The following RAD51B variants were observed in gnomAD, a reference collection of about 807,000 sequenced individuals.
RAD51B encodes the protein DNA repair protein RAD51 homolog 2.
RAD51B carries 38 observed loss-of-function variants against 42.2 expected under a neutral mutation model. The ratio of observed to expected loss-of-function variants is 0.90; its 90% confidence interval spans 0.70 to 1.18. The LOEUF is 1.18. Ranked by LOEUF, RAD51B falls within the 50% of genes most tolerant of loss-of-function variation. The pLI is 0.00. For synonymous variants in RAD51B, 154 were observed against 145.2 expected, an observed-to-expected ratio of 1.06 and a Z score of -0.43; for missense variants, 373 against 400.7, an observed-to-expected ratio of 0.93 and a Z score of 0.59.
At chr14:68,080,912 T>A (rs1455150642) in intron 7 of RAD51B, among the ~76,000 whole-genome samples, 1 of 152,126 alleles carries the variant, frequency 6.6e-6, no homozygotes, top group Non-Finnish European at 1.5e-5. Context: ...AACAAACCAC[T>A]CATTGATAGA....
chr14:67,950,238 A>T (rs1022477454), intron 7 of RAD51B, among the ~76,000 whole-genome samples: 11 of 152,122 alleles, frequency 7.2e-5, no homozygotes, highest in Admixed American at 5.9e-4. Context: ...AGGCTGTTTT[A>T]TCTGTATGGA....
At chr14:67,843,390 C>A (rs1566919308) in intron 4 of RAD51B, 1 of 150,970 alleles carries the variant, frequency 6.6e-6, no homozygotes, top group Non-Finnish European at 1.5e-5. Context: ...TTGAGGAGTC[C>A]CTCTTCCTCA....
chr14:68,353,941 G>A (rs2139882577), intron 8 of RAD51B, among the ~76,000 whole-genome samples: 1 of 152,306 alleles, frequency 6.6e-6, no homozygotes, highest in East Asian at 1.9e-4. Context: ...TCTAGGGGTT[G>A]TGCCTAAGTC....
At chr14:67,962,414 AAGAG>A (rs982227470) in intron 7 of RAD51B, among the ~76,000 whole-genome samples, 4 of 152,306 alleles carry the variant, frequency 2.6e-5, no homozygotes, top group South Asian at 4.1e-4. Context: ...GTTGCCAAAC[AAGAG>A]AAAGGTTTCT....
At position 67,901,449 on chromosome 14, in the gene RAD51B, T is replaced by C. The variant is rs114318939; in HGVS notation, c.756+14245T>C. Among the ~76,000 whole-genome samples, 1,377 of 152,212 alleles carry C rather than the reference T, an allele frequency of 9.0e-3. 22 individuals carry two copies. Among genetic ancestry groups the C allele is most frequent in the African/African-American group, 0.031 (1,297 of 41,520 alleles). ...CAGTGCAGGTGCAGTCCTGTGGGTA[T>C]TTTTCCACTCCGAAGACCCTCCCTC... is the stretch of plus-strand genomic sequence containing the variant. On this transcript the variant is annotated intron_variant, in intron 7 of 10. Transcript: ENST00000471583.
chr14:68,001,169 A>C (rs2075475477), intron 7 of RAD51B, among the ~76,000 whole-genome samples: 1 of 152,112 alleles, frequency 6.6e-6, no homozygotes, highest in South Asian at 2.1e-4. Context: ...TTATATTTAA[A>C]GTCCAGCAAA....
At chr14:68,569,849 C>T (rs142587026) in intron 10 of RAD51B, among the ~76,000 whole-genome samples, 2 of 152,312 alleles carry the variant, frequency 1.3e-5, no homozygotes, top group East Asian at 1.9e-4. Context: ...GCTGAGGGAA[C>T]AGGCCAAGCT....
chr14:68,064,363 A>T (rs1269311622), intron 7 of RAD51B, among the ~76,000 whole-genome samples: 1 of 151,944 alleles, frequency 6.6e-6, no homozygotes. Context: ...TGCTTTTCCT[A>T]TGCTGTTTTA....
chr14:67,868,132 G>A (rs1186146188), intron 5 of RAD51B, among the ~76,000 whole-genome samples: 1 of 152,198 alleles, frequency 6.6e-6, no homozygotes, highest in Admixed American at 6.5e-5. Context: ...CAGCATGAGC[G>A]ACGCAGAAGA....
At chr14:68,326,580 G>A (rs1378306508) in intron 8 of RAD51B, among the ~76,000 whole-genome samples, 1 of 152,132 alleles carries the variant, frequency 6.6e-6, no homozygotes, top group African/African-American at 2.4e-5. Flanking sequence ...CATGAACAGA[G>A]AACTAAAGGC....
intron 8 of RAD51B, among the ~76,000 whole-genome samples, chr14:68,379,641 AG>A (rs1371503806): frequency 6.6e-6 from 1 of 152,220 alleles, no homozygotes; most frequent in African/African-American, 2.4e-5. Context: ...GGTAGAATGG[AG>A]GGTAGAAAAG....
In RAD51B at chr14:68,348,599, A is replaced by G. The variant is rs78550314; in HGVS notation, c.853+56619A>G. On this transcript the variant is annotated intron_variant, in intron 8 of 10. Coordinates refer to ENST00000471583, the MANE Select transcript of RAD51B (RefSeq NM_133510.4). ...TTAAAAACAAAAGAAGCAATTGAAGATTAACATTGACTTTGTCTCGCCTGG... is the reference window on the plus strand; with the variant it reads ...TTAAAAACAAAAGAAGCAATTGAAGGTTAACATTGACTTTGTCTCGCCTGG... 9.8e-5 allele frequency among the ~76,000 whole-genome samples: 15 copies of G among 152,360 alleles called. No individual in the cohort carries two copies. In the East Asian group the frequency reaches 2.9e-3, roughly 29 times the overall value.
chr14:68,290,351 A>G (rs1388307577), intron 7 of RAD51B, among the ~76,000 whole-genome samples: 1 of 152,234 alleles, frequency 6.6e-6, no homozygotes, highest in Non-Finnish European at 1.5e-5. Context: ...AACCTTGGAA[A>G]ATGATTGTGG....
At chr14:68,315,730 G>A (rs1223048621) in intron 8 of RAD51B, among the ~76,000 whole-genome samples, 3 of 152,120 alleles carry the variant, frequency 2.0e-5, no homozygotes, top group African/African-American at 4.8e-5. Context: ...CACCATGTTA[G>A]CCAGGATAGT....
At chr14:68,133,364 T>C (rs1433050964) in intron 7 of RAD51B, among the ~76,000 whole-genome samples, 1 of 152,242 alleles carries the variant, frequency 6.6e-6, no homozygotes, top group Non-Finnish European at 1.5e-5. Flanking sequence ...TGTTTTATTT[T>C]CTAAAAATGA....
At chr14:68,570,608 G>C (rs975641926) in intron 10 of RAD51B, among the ~76,000 whole-genome samples, 1 of 152,178 alleles carries the variant, frequency 6.6e-6, no homozygotes, top group Admixed American at 6.5e-5. Context: ...GAGCCAGGAG[G>C]GGGGTCCAGT....
At chr14:68,501,010 A>C (rs909483794) in intron 10 of RAD51B, among the ~76,000 whole-genome samples, 2 of 152,112 alleles carry the variant, frequency 1.3e-5, no homozygotes, top group African/African-American at 4.8e-5. Context: ...TGCCTCTCAC[A>C]GTCATGTTTT....
intron 9 of RAD51B, among the ~76,000 whole-genome samples, chr14:68,426,044 C>T (rs1196023756): frequency 6.7e-6 from 1 of 148,598 alleles, no homozygotes; most frequent in Non-Finnish European, 1.5e-5. Flanking sequence ...TTCTTTCTCT[C>T]TTTCTCTCTC....
chr14:68,556,221 G>A (rs2140007258), intron 10 of RAD51B, among the ~76,000 whole-genome samples: 1 of 152,274 alleles, frequency 6.6e-6, no homozygotes, highest in East Asian at 1.9e-4. Flanking sequence ...CCACAGTCAG[G>A]CAACGGGGAC....
Sources: gnomAD v4.1 joint callset for allele counts (sites outside exome capture counted in the v4.1 genomes callset) on GRCh38, gnomAD v4.1.1 for gene constraint, MANE v1.5 for transcripts, NCBI Gene and HGNC (gene_info 2026-07-23, HGNC 2026-07-21) for gene names.